The following SKI variants were observed in gnomAD, a reference collection of about 807,000 sequenced individuals.
SKI encodes the protein SKI proto-oncogene.
Under a neutral mutation model 59.3 loss-of-function variants are expected in SKI, and 23 were observed. That is an observed-to-expected ratio of 0.39 (90% CI 0.28 to 0.55). The LOEUF is 0.55. Ranked by LOEUF, SKI falls within the 20% of genes least tolerant of loss-of-function variation. The probability of loss-of-function intolerance (pLI) is 0.67; values close to 1 mark genes in which losing one functional copy is unlikely to be tolerated. For synonymous variants in SKI, 673 were observed against 488.6 expected, an observed-to-expected ratio of 1.38 and a Z score of -4.98; for missense variants, 1,017 against 1,038.9, an observed-to-expected ratio of 0.98 and a Z score of 0.29.
chr1:2,279,859 C>T (rs1420598647), intron 1 of SKI, among the ~76,000 whole-genome samples: 1 of 152,192 alleles, frequency 6.6e-6, no homozygotes, highest in Non-Finnish European at 1.5e-5. Flanking sequence ...CAGCCTCTTC[C>T]TAAGTTTACA....
Position 2,303,754 on chromosome 1 carries a change from C to T in SKI, c.1212-86C>T. On this transcript the variant is annotated intron_variant, in intron 3 of 6. Transcript: ENST00000378536. This position sits in a 1 kb window ranked among gnomAD's most constrained non-coding sequence, Gnocchi z 5.6. Reference sequence around the variant, plus strand: ...AGCTGGGAAAGTCTTTCCTGTTTAACACCTTCAGAGGGGGTGTGCGCCAGG... The same window carrying T: ...AGCTGGGAAAGTCTTTCCTGTTTAATACCTTCAGAGGGGGTGTGCGCCAGG... The T allele has an allele frequency of 2.0e-6, 3 of 1,530,920 alleles. No homozygotes were observed. Among genetic ancestry groups the T allele is most frequent in the Admixed American group, 3.8e-5 (2 of 53,130 alleles). The allele number at this position is 1,530,920 out of a possible 1,614,324, so 94.8% of individuals were successfully genotyped here. A position where few individuals can be genotyped will look rare whatever the true frequency, so the allele number is the denominator to read the frequency against.
chr1:2,303,493 T>G lies in SKI; in HGVS notation c.1211+93T>G, dbSNP rs1569858989. The G allele has an allele frequency of 9.0e-7, 1 of 1,114,142 alleles. No individual in the cohort carries two copies. The highest frequency in any genetic ancestry group is 1.3e-5 in the South Asian group (1 of 75,238). 69.0% of individuals were successfully genotyped at this position (1,114,142 alleles called of 1,614,324 possible). The stretch of plus-strand genomic sequence containing the variant: ...CGCGCCCATGTTTCTGCAGGCTGGG[T>G]GCCCAGACCTGCCGCCTTTTGGTCA... On this transcript the variant is annotated intron_variant, in intron 3 of 6. Coordinates refer to ENST00000378536, the MANE Select transcript of SKI (RefSeq NM_003036.4). The surrounding 1 kb of genome is among the most constrained non-coding windows in gnomAD (Gnocchi z 5.6).
In SKI at chr1:2,304,012, C is replaced by G. The variant is rs199797772; in HGVS notation, c.1384C>G (p.Pro462Ala). 486 of 1,612,538 alleles carry G rather than the reference C, an allele frequency of 3.0e-4. No homozygotes were observed. The highest frequency in any genetic ancestry group is 6.3e-4 in the Admixed American group (38 of 60,000). The part of the protein sequence containing the change: ...PRKRKLTVDT[P>A]GAPETLAPVA... Reference sequence around the variant, plus strand: ...GAAGCGGAAGCTGACTGTGGACACCCCAGGAGCCCCAGAGACGCTGGCGCC... The same window carrying G: ...GAAGCGGAAGCTGACTGTGGACACCGCAGGAGCCCCAGAGACGCTGGCGCC... The change falls in exon 4 of 7, where the codon CCA (proline) becomes GCA (alanine). Residue 462 changes from proline (P) to alanine (A), a missense_variant. Pro to Ala is a conservative substitution (Grantham distance 27, BLOSUM62 -1). Transcript: ENST00000378536.
At chr1:2,275,217 G>A (rs1639714597) in intron 1 of SKI, among the ~76,000 whole-genome samples, 1 of 152,234 alleles carries the variant, frequency 6.6e-6, no homozygotes, top group Non-Finnish European at 1.5e-5. Flanking sequence ...GTCTTGGAAG[G>A]AACATCGGGC....
In SKI at chr1:2,269,011, G is replaced by A. The variant is rs937562375; in HGVS notation, c.970-33967G>A. ...CTGTCACCCAGGCTGGAGTGCAGCA[G>A]CACAGTCTTGCGGCCTCAACCTTGT... is the stretch of plus-strand genomic sequence containing the variant. On this transcript the variant is annotated intron_variant, in intron 1 of 6. Transcript: ENST00000378536. This position sits in a 1 kb window ranked among gnomAD's most constrained non-coding sequence, Gnocchi z 4.7. 2.0e-5 allele frequency among the ~76,000 whole-genome samples: 3 copies of A among 152,074 alleles called. No individual in the cohort carries two copies. Among genetic ancestry groups the A allele is most frequent in the African/African-American group, 7.3e-5 (3 of 41,374 alleles).
chr1:2,304,374 G>A lies in SKI; in HGVS notation c.1556G>A (p.Arg519His), dbSNP rs376322470. 83 of 1,551,764 alleles carry A rather than the reference G, an allele frequency of 5.3e-5. No individual in the cohort carries two copies. The highest frequency in any genetic ancestry group is 1.7e-4 in the Middle Eastern group (1 of 6,016). ...AAGGACCTGGGCTCCCCGGGTGCGC[G>A]TGCCCTGCCCTCGGCCGTCCCTGAT... ...SAKDLGSPGA[R>H]ALPSAVPDAA... The change falls in exon 5 of 7, where the codon CGT becomes CAT. Residue 519 changes from arginine (R) to histidine (H), a missense_variant. Arg to His is a conservative substitution (Grantham distance 29). Transcript: ENST00000378536.
chr1:2,271,113 G>A (rs1639606561), intron 1 of SKI, among the ~76,000 whole-genome samples: 1 of 152,190 alleles, frequency 6.6e-6, no homozygotes, highest in African/African-American at 2.4e-5. Flanking sequence ...TTCCTGATGG[G>A]TGTTGGGGTG....
intron 1 of SKI, among the ~76,000 whole-genome samples, chr1:2,252,045 C>T (rs1180445022): frequency 6.6e-6 from 1 of 152,168 alleles, no homozygotes; most frequent in Non-Finnish European, 1.5e-5. Flanking sequence ...GTGCTCTGCA[C>T]ACCTGTGGGG....
intron 1 of SKI, among the ~76,000 whole-genome samples, chr1:2,240,235 C>T (rs1220692934): frequency 6.6e-6 from 1 of 152,230 alleles, no homozygotes; most frequent in East Asian, 1.9e-4. Flanking sequence ...CCGAGGAGGC[C>T]TCTGGGAGGG....
At chr1:2,240,484 A>G (rs1438471807) in intron 1 of SKI, 1 of 985,212 alleles carries the variant, frequency 1.0e-6, no homozygotes, top group East Asian at 1.1e-4. Context: ...CCCCATGAGG[A>G]GGTCCCGTGG....
At position 2,304,345 on chromosome 1, in the gene SKI, C is replaced by T. The variant is rs111935632; in HGVS notation, c.1527C>T (p.Ser509=). The T allele has an allele frequency of 5.6e-4, 873 of 1,551,624 alleles. 9 individuals are homozygous for T. In the African/African-American group the frequency reaches 8.8e-3, roughly 16 times the overall value. The change falls in exon 5 of 7, where the codon TCC becomes TCT. Residue 509 remains serine (S), a synonymous_variant. Transcript: ENST00000378536. ...LSSPSFTSSS[S]AKDLGSPGAR... The stretch of plus-strand genomic sequence containing the variant: ...CCCCGTCCTTTACCTCATCCAGCTC[C>T]GCCAAGGACCTGGGCTCCCCGGGTG...
intron 1 of SKI, among the ~76,000 whole-genome samples, chr1:2,283,330 G>A (rs1455399657): frequency 6.6e-6 from 1 of 151,668 alleles, no homozygotes; most frequent in African/African-American, 2.4e-5. Flanking sequence ...CCTTTGACAG[G>A]GCAAGGACTC....
intron 1 of SKI, among the ~76,000 whole-genome samples, chr1:2,257,277 G>A (rs1425008080): frequency 6.6e-6 from 1 of 152,220 alleles, no homozygotes; most frequent in Non-Finnish European, 1.5e-5. Flanking sequence ...GCTTTAAAGG[G>A]GCATTTCCCC....
intron 1 of SKI, among the ~76,000 whole-genome samples, chr1:2,244,032 C>G (rs1638935637): frequency 6.6e-6 from 1 of 152,086 alleles, no homozygotes; most frequent in African/African-American, 2.4e-5. Context: ...ATGGCATGAT[C>G]TCGGCTCATT....
chr1:2,263,191 G>C (rs1639424460), intron 1 of SKI, among the ~76,000 whole-genome samples: 1 of 149,530 alleles, frequency 6.7e-6, no homozygotes, highest in African/African-American at 2.5e-5. Context: ...ATGTGCCACT[G>C]TGTTTGGCCT....
intron 1 of SKI, among the ~76,000 whole-genome samples, chr1:2,230,411 A>C (rs1638608925): frequency 6.6e-6 from 1 of 152,108 alleles, no homozygotes; most frequent in Admixed American, 6.5e-5. Flanking sequence ...ACCAAATCCC[A>C]GAGTCCGCCG....
At chr1:2,265,135 T>A (rs1490483107) in intron 1 of SKI, among the ~76,000 whole-genome samples, 1 of 152,176 alleles carries the variant, frequency 6.6e-6, no homozygotes, top group African/African-American at 2.4e-5. Context: ...TTTAAGATTG[T>A]CTCTTTGTCA....
chr1:2,238,003 C>T (rs998566792), intron 1 of SKI, among the ~76,000 whole-genome samples: 1 of 152,228 alleles, frequency 6.6e-6, no homozygotes, highest in Admixed American at 6.5e-5. Flanking sequence ...GCCCTCCCGC[C>T]TGGTGCTGTC....
chr1:2,303,579 C>G lies in SKI; in HGVS notation c.1211+179C>G. 1.4e-6 allele frequency: 1 copy of G among 692,954 alleles called. No homozygotes were observed. The highest frequency in any genetic ancestry group is 2.4e-6 in the Non-Finnish European group (1 of 414,000). 42.9% of individuals were successfully genotyped at this position (692,954 alleles called of 1,614,324 possible). A position where few individuals can be genotyped will look rare whatever the true frequency, so the allele number is the denominator to read the frequency against. ...AGGGAGAGCACACCTAGAGCGTTCC[C>G]TGTGTTCTGGGTGGAGTCGTGGGTG... On this transcript the variant is annotated intron_variant, in intron 3 of 6. Coordinates refer to ENST00000378536, the MANE Select transcript of SKI (RefSeq NM_003036.4). The surrounding 1 kb of genome is among the most constrained non-coding windows in gnomAD (Gnocchi z 5.6).
Sources: gnomAD v4.1 joint callset for allele counts (sites outside exome capture counted in the v4.1 genomes callset) on GRCh38, gnomAD v4.1.1 for gene constraint, Gnocchi (gnomAD v3.1) non-coding constraint, MANE v1.5 for transcripts, NCBI Gene and HGNC (gene_info 2026-07-23, HGNC 2026-07-21) for gene names.